SCAPER: variants seen among roughly 807,000 people sequenced by gnomAD.
The protein encoded by SCAPER is S-phase cyclin A associated protein in the ER.
SCAPER carries 98 observed loss-of-function variants against 182.2 expected under a neutral mutation model. The ratio of observed to expected loss-of-function variants is 0.54; its 90% confidence interval spans 0.46 to 0.64. The LOEUF is 0.64. Among genes scored for constraint, SCAPER ranks in the 30% least tolerant of loss-of-function variants. The probability of loss-of-function intolerance (pLI) is 0.00; values close to 1 mark genes in which losing one functional copy is unlikely to be tolerated. For missense variants in SCAPER, 1,432 were observed against 1,690.0 expected, an observed-to-expected ratio of 0.85 and a Z score of 2.68; for synonymous variants, 605 against 564.6, an observed-to-expected ratio of 1.07 and a Z score of -1.01.
chr15:76,468,063 T>C (rs1198708512), intron 25 of SCAPER, among the ~76,000 whole-genome samples: 2 of 152,168 alleles, frequency 1.3e-5, no homozygotes, highest in Non-Finnish European at 2.9e-5. Context: ...TTTAATCCCT[T>C]ATTTAAAGGA....
chr15:76,561,846 A>G (rs1473416489), intron 23 of SCAPER, among the ~76,000 whole-genome samples: 2 of 124,830 alleles, frequency 1.6e-5, no homozygotes, highest in Non-Finnish European at 3.3e-5. Flanking sequence ...TTTTTTTTTA[A>G]TTAATATGAG....
At chr15:76,593,905 G>A (rs561024843) in intron 22 of SCAPER, among the ~76,000 whole-genome samples, 1 of 121,312 alleles carries the variant, frequency 8.2e-6, no homozygotes, top group East Asian at 2.2e-4. Context: ...CCAAACACCA[G>A]AAGGCCTCTT....
chr15:76,766,136 G>A (rs2063100353), intron 11 of SCAPER, among the ~76,000 whole-genome samples: 2 of 150,876 alleles, frequency 1.3e-5, no homozygotes, highest in Non-Finnish European at 1.5e-5. Flanking sequence ...TCACTCTGTC[G>A]CCCAGGCTGG....
chr15:76,504,338 G>A (rs559297573), intron 24 of SCAPER, among the ~76,000 whole-genome samples: 2 of 152,254 alleles, frequency 1.3e-5, no homozygotes, highest in Admixed American at 6.5e-5. Context: ...ACTAAAGGGG[G>A]ACTTAAGAGA....
At chr15:76,854,651 G>A (rs2071143028) in intron 4 of SCAPER, among the ~76,000 whole-genome samples, 1 of 151,710 alleles carries the variant, frequency 6.6e-6, no homozygotes, top group African/African-American at 2.4e-5. Flanking sequence ...AAATAGCCAA[G>A]GCAATCCTAA....
intron 17 of SCAPER, among the ~76,000 whole-genome samples, chr15:76,720,033 C>T (rs1406563037): frequency 1.3e-5 from 2 of 151,252 alleles, no homozygotes; most frequent in South Asian, 2.1e-4. Context: ...CACCCATTAA[C>T]TCATCATTTA....
chr15:76,565,092 C>T (rs1042192423), intron 23 of SCAPER, among the ~76,000 whole-genome samples: 1 of 152,138 alleles, frequency 6.6e-6, no homozygotes, highest in Non-Finnish European at 1.5e-5. Context: ...CAATACCATT[C>T]AGGACACAGG....
At chr15:76,769,668 G>C (rs982879789) in intron 10 of SCAPER, among the ~76,000 whole-genome samples, 1 of 152,136 alleles carries the variant, frequency 6.6e-6, no homozygotes, top group Non-Finnish European at 1.5e-5. Context: ...GGAAACAACA[G>C]ATGCTGGAGA....
intron 25 of SCAPER, among the ~76,000 whole-genome samples, chr15:76,452,067 T>C (rs956442983): frequency 4.6e-5 from 7 of 152,204 alleles, no homozygotes; most frequent in African/African-American, 1.7e-4. Context: ...TACTATTGTC[T>C]TCCTTTTAGT....
chr15:76,594,584 C>T (rs1397423004), intron 22 of SCAPER, among the ~76,000 whole-genome samples: 2 of 121,304 alleles, frequency 1.6e-5, no homozygotes, highest in South Asian at 2.6e-4. Context: ...AGAGAAAGGT[C>T]GGGTTATCCA....
chr15:76,707,751 AC>A (rs1268747458), intron 17 of SCAPER, among the ~76,000 whole-genome samples: 1 of 152,158 alleles, frequency 6.6e-6, no homozygotes, highest in African/African-American at 2.4e-5. Context: ...AATTACCTTT[AC>A]CTAACTGACA....
intron 23 of SCAPER, among the ~76,000 whole-genome samples, chr15:76,513,811 T>G (rs890851575): frequency 1.3e-5 from 2 of 152,240 alleles, no homozygotes; most frequent in African/African-American, 4.8e-5. Flanking sequence ...CCGTTCAAAC[T>G]GCCACCTTTC....
chr15:76,634,718 T>C (rs1019260933), intron 21 of SCAPER, among the ~76,000 whole-genome samples: 8 of 152,208 alleles, frequency 5.3e-5, no homozygotes, highest in Admixed American at 2.0e-4. Flanking sequence ...CCAAATGTAA[T>C]TGCTTTCTTA....
intron 23 of SCAPER, among the ~76,000 whole-genome samples, chr15:76,526,702 ATTTT>A (rs2043224455): frequency 6.6e-6 from 1 of 151,800 alleles, no homozygotes; most frequent in Admixed American, 6.6e-5. Flanking sequence ...TGTCAAGTTT[ATTTT>A]TAATTTCAAA....
intron 17 of SCAPER, among the ~76,000 whole-genome samples, chr15:76,718,113 T>A (rs1474842983): frequency 3.3e-5 from 5 of 152,054 alleles, no homozygotes; most frequent in Non-Finnish European, 5.9e-5. Context: ...TAGAAATCAA[T>A]AAAATGAATC....
intron 24 of SCAPER, among the ~76,000 whole-genome samples, chr15:76,497,179 T>C (rs1431266091): frequency 2.8e-5 from 4 of 143,270 alleles, no homozygotes; most frequent in African/African-American, 5.1e-5. Context: ...AGTCCTGTAA[T>C]GGCCATCCCA....
intron 4 of SCAPER, among the ~76,000 whole-genome samples, chr15:76,854,416 C>G (rs2071109084): frequency 6.6e-6 from 1 of 152,052 alleles, no homozygotes; most frequent in African/African-American, 2.4e-5. Flanking sequence ...GGAGAAACAT[C>G]TCCACAAGAA....
At chr15:76,567,530 T>C (rs2047128121) in intron 23 of SCAPER, 1 of 211,712 alleles carries the variant, frequency 4.7e-6, no homozygotes, top group Non-Finnish European at 9.8e-6. Context: ...CTCTAGTTCT[T>C]TGCCAATACT....
At chr15:76,502,410 A>G (rs1283135809) in intron 24 of SCAPER, among the ~76,000 whole-genome samples, 1 of 152,198 alleles carries the variant, frequency 6.6e-6, no homozygotes, top group Non-Finnish European at 1.5e-5. Flanking sequence ...GGATGAGTTC[A>G]TGTCCTTTGT....
Sources: gnomAD v4.1 joint callset for allele counts (sites outside exome capture counted in the v4.1 genomes callset) on GRCh38, gnomAD v4.1.1 for gene constraint, MANE v1.5 for transcripts, NCBI Gene and HGNC (gene_info 2026-07-23, HGNC 2026-07-21) for gene names.